The following ADAMTS19 variants were observed in gnomAD, a reference collection of about 807,000 sequenced individuals.
The protein encoded by ADAMTS19 is ADAM metallopeptidase with thrombospondin type 1 motif 19.
Under a neutral mutation model 153.3 loss-of-function variants are expected in ADAMTS19, and 93 were observed. That is an observed-to-expected ratio of 0.61 (90% CI 0.51 to 0.72). The LOEUF (loss-of-function observed/expected upper bound fraction) is 0.72, where lower values mean the gene tolerates loss of function less well. Ranked by LOEUF, ADAMTS19 falls within the 30% of genes least tolerant of loss-of-function variation. The pLI, the probability that ADAMTS19 is intolerant of heterozygous loss-of-function variation, is 0.00. For missense variants in ADAMTS19, 1,482 were observed against 1,552.1 expected (o/e 0.95, Z 0.76); for synonymous variants, 600 against 556.6 (o/e 1.08, Z -1.10).
At chr5:129,637,424 A>C (rs1190113648) in intron 10 of ADAMTS19, among the ~76,000 whole-genome samples, 2 of 152,184 alleles carry the variant, frequency 1.3e-5, no homozygotes, top group Non-Finnish European at 2.9e-5. Flanking sequence ...TTAATACATG[A>C]AGTAGATCAC....
rs536400737 is a variant in ADAMTS19, at chr5:129,604,193, C to T, written c.1478+7529C>T. Reference sequence around the variant, plus strand: ...GTGATGGATTGATAGGTGCAGCAAACCACCATGGCACACGTTTTACCTATG... The same window carrying T: ...GTGATGGATTGATAGGTGCAGCAAATCACCATGGCACACGTTTTACCTATG... On this transcript the variant is annotated intron_variant, in intron 8 of 22. Transcript: ENST00000274487. Among the ~76,000 whole-genome samples the T allele has an allele frequency of 6.7e-5, 5 of 74,786 alleles. No individual in the cohort carries two copies. The South Asian group carries it at 2.8e-3, about 42-fold the overall frequency. The allele number at this position is 74,786 out of a possible 152,430, so 49.1% of individuals were successfully genotyped here. A position where few individuals can be genotyped will look rare whatever the true frequency, so the allele number is the denominator to read the frequency against.
chr5:129,607,994 C>CTACA (rs1554098141), intron 8 of ADAMTS19, among the ~76,000 whole-genome samples: 4 of 143,366 alleles, frequency 2.8e-5, no homozygotes, highest in African/African-American at 1.0e-4. Flanking sequence ...ATAAACAATT[C>CTACA]TATATATATA....
chr5:129,661,551 A>G (rs189946665), intron 15 of ADAMTS19, among the ~76,000 whole-genome samples: 148 of 152,324 alleles, frequency 9.7e-4, no homozygotes, highest in Non-Finnish European at 1.8e-3. Context: ...CCCACGTGCA[A>G]ACACACATGG....
chr5:129,696,983 G>A (rs1191183385), intron 19 of ADAMTS19, among the ~76,000 whole-genome samples: 1 of 152,100 alleles, frequency 6.6e-6, no homozygotes, highest in Non-Finnish European at 1.5e-5. Flanking sequence ...CAAAAGACCT[G>A]GAAAGGGAAG....
chr5:129,734,079 A>G (rs1757563316), intron 21 of ADAMTS19, among the ~76,000 whole-genome samples: 1 of 151,968 alleles, frequency 6.6e-6, no homozygotes, highest in Non-Finnish European at 1.5e-5. Flanking sequence ...GAAATAACTC[A>G]GAAACAGAAA....
chr5:129,654,132 C>T (rs902500115), intron 13 of ADAMTS19, among the ~76,000 whole-genome samples, 174 bp from the exon 14 acceptor site: 9 of 152,116 alleles, frequency 5.9e-5, no homozygotes, highest in African/African-American at 2.2e-4. Flanking sequence ...CATCTCCAGG[C>T]ACCTAATTTA....
rs992418540 is a variant in ADAMTS19, at chr5:129,481,842, G to T, written c.747+20085G>T. Among the ~76,000 whole-genome samples, 7 of 152,232 alleles carry T rather than the reference G, an allele frequency of 4.6e-5. No individual in the cohort carries two copies. In the South Asian group the frequency reaches 1.5e-3, roughly 32 times the overall value. On this transcript the variant is annotated intron_variant, in intron 2 of 22. Coordinates refer to ENST00000274487, the MANE Select transcript of ADAMTS19 (RefSeq NM_133638.6). ...CACACTACGTATAAATAGAGTGCAGGTATTACTTGAAGGCCTTTTTGCCCT... is the reference window on the plus strand; with the variant it reads ...CACACTACGTATAAATAGAGTGCAGTTATTACTTGAAGGCCTTTTTGCCCT...
At chr5:129,498,713 C>T (rs1051075678) in intron 2 of ADAMTS19, among the ~76,000 whole-genome samples, 3 of 151,812 alleles carry the variant, frequency 2.0e-5, no homozygotes, top group Non-Finnish European at 2.9e-5. Flanking sequence ...ATATGGCAGG[C>T]TCCTTCTTTC....
intron 8 of ADAMTS19, among the ~76,000 whole-genome samples, chr5:129,610,481 T>C (rs1751151054): frequency 6.6e-6 from 1 of 152,072 alleles, no homozygotes; most frequent in Non-Finnish European, 1.5e-5. Context: ...GATGTTCCCC[T>C]TCCTGTGTCC....
chr5:129,576,352 A>G (rs919283688), intron 7 of ADAMTS19, among the ~76,000 whole-genome samples: 1 of 152,034 alleles, frequency 6.6e-6, no homozygotes, highest in African/African-American at 2.4e-5. Flanking sequence ...GAAGTGACCT[A>G]TGTGTGTACA....
chr5:129,623,924 T>A (rs28539004), intron 10 of ADAMTS19, among the ~76,000 whole-genome samples: 117 of 150,442 alleles, frequency 7.8e-4, no homozygotes, highest in Non-Finnish European at 1.4e-3. Context: ...ATCGAGACCA[T>A]CCTGGCTAAC....
chr5:129,527,870 G>C, intron 5 of ADAMTS19, 39 bp downstream of exon 5: 2 of 1,297,400 alleles, frequency 1.5e-6, no homozygotes, highest in Non-Finnish European at 2.2e-6. Context: ...TTAAATGGGG[G>C]AGAAATTTTG....
intron 8 of ADAMTS19, 60 bp from the exon 9 acceptor site, chr5:129,620,558 A>G: frequency 7.8e-7 from 1 of 1,276,292 alleles, no homozygotes; most frequent in Non-Finnish European, 1.0e-6. Flanking sequence ...CAGTTATAAA[A>G]AGTTAACAAG....
At chr5:129,496,782 C>T (rs1295521952) in intron 2 of ADAMTS19, among the ~76,000 whole-genome samples, 1 of 152,076 alleles carries the variant, frequency 6.6e-6, no homozygotes, top group Non-Finnish European at 1.5e-5. Context: ...CCTTTAACAA[C>T]TAGGTGTACA....
intron 2 of ADAMTS19, among the ~76,000 whole-genome samples, chr5:129,489,638 G>GA (rs1416020910): frequency 2.6e-4 from 39 of 152,072 alleles, no homozygotes; most frequent in African/African-American, 8.5e-4. Flanking sequence ...GTTTGAGGGG[G>GA]AAAAAGACTT....
intron 2 of ADAMTS19, among the ~76,000 whole-genome samples, chr5:129,490,119 C>T (rs1478064452): frequency 6.6e-6 from 1 of 152,124 alleles, no homozygotes; most frequent in East Asian, 1.9e-4. Context: ...AAATGAATTA[C>T]TCCCGGCATT....
intron 6 of ADAMTS19, among the ~76,000 whole-genome samples, chr5:129,547,154 AAG>A (rs1213358151): frequency 6.6e-6 from 1 of 150,638 alleles, no homozygotes; most frequent in Non-Finnish European, 1.5e-5. Flanking sequence ...GTGTGAGGAA[AAG>A]AGAGAGAGTG....
chr5:129,489,555 C>T (rs1750700606), intron 2 of ADAMTS19, among the ~76,000 whole-genome samples: 1 of 151,912 alleles, frequency 6.6e-6, no homozygotes, highest in African/African-American at 2.4e-5. Flanking sequence ...CAAAAAACTG[C>T]CAATTAGGAA....
At chr5:129,514,340 T>A (rs1751529432) in intron 3 of ADAMTS19, among the ~76,000 whole-genome samples, 1 of 152,100 alleles carries the variant, frequency 6.6e-6, no homozygotes, top group African/African-American at 2.4e-5. Context: ...GTAGCTCTCT[T>A]TTTAATGTTT....
Sources: gnomAD v4.1 joint callset for allele counts (sites outside exome capture counted in the v4.1 genomes callset) on GRCh38, gnomAD v4.1.1 for gene constraint, MANE v1.5 for transcripts, NCBI Gene and HGNC (gene_info 2026-07-23, HGNC 2026-07-21) for gene names.